UBAC2: variants seen among roughly 807,000 people sequenced by gnomAD.
UBAC2 encodes the protein ubiquitin-associated domain-containing protein 2.
In UBAC2, 26 loss-of-function variants were observed where a neutral mutation model predicts 44.0. The ratio of observed to expected loss-of-function variants is 0.59; its 90% confidence interval spans 0.43 to 0.82. The LOEUF is 0.82. Among genes scored for constraint, UBAC2 ranks in the 40% least tolerant of loss-of-function variants. The pLI is 0.00. For synonymous variants in UBAC2, 155 were observed against 154.3 expected, an observed-to-expected ratio of 1.00 and a Z score of -0.04; for missense variants, 329 against 419.4, an observed-to-expected ratio of 0.78 and a Z score of 1.88.
At chr13:99,369,196 A>G (rs911585563) in intron 8 of UBAC2, among the ~76,000 whole-genome samples, 1 of 152,238 alleles carries the variant, frequency 6.6e-6, no homozygotes, top group African/African-American at 2.4e-5. Context: ...ATAAAAATCC[A>G]TTCAGGGAAA....
intron 4 of UBAC2, among the ~76,000 whole-genome samples, chr13:99,266,895 C>T (rs529981020): frequency 1.5e-4 from 23 of 152,192 alleles, no homozygotes; most frequent in African/African-American, 3.9e-4. Flanking sequence ...GTGAAATTGC[C>T]GGATCGTGTG....
At chr13:99,276,637 C>T (rs1042603621) in intron 4 of UBAC2, among the ~76,000 whole-genome samples, 10 of 152,298 alleles carry the variant, frequency 6.6e-5, no homozygotes, top group East Asian at 3.9e-4. Context: ...CCATCTCCCA[C>T]CACCCCACTT....
chr13:99,350,343 G>C (rs151263530), intron 7 of UBAC2, among the ~76,000 whole-genome samples: 83 of 152,294 alleles, frequency 5.4e-4, no homozygotes, highest in African/African-American at 1.9e-3. Context: ...GATAGCCTCA[G>C]ATGGGGGCTG....
Position 99,296,816 on chromosome 13 carries a change from TAAAG to T in UBAC2, c.390-17277_390-17274del, listed in dbSNP as rs547462914. On this transcript the variant is annotated intron_variant, in intron 4 of 8. Transcript: ENST00000403766. Reference sequence around the variant, plus strand: ...TAAAATGACAAAAAAAGAAGAAAGATAAAGAAAATGAGAGAGAAAAAGACTTAAG... The same window carrying T: ...TAAAATGACAAAAAAAGAAGAAAGATAAAATGAGAGAGAAAAAGACTTAAG... Among the ~76,000 whole-genome samples, 37 of 152,108 alleles carry T rather than the reference TAAAG, an allele frequency of 2.4e-4. No homozygotes were observed. The East Asian group carries it at 6.0e-3, about 25-fold the overall frequency.
intron 6 of UBAC2, among the ~76,000 whole-genome samples, chr13:99,332,743 C>A (rs1289272956): frequency 6.6e-6 from 1 of 152,216 alleles, no homozygotes; most frequent in East Asian, 1.9e-4. Context: ...CCCTTGCCTG[C>A]CGGAGACTGC....
chr13:99,234,183 T>TC (rs1316313236), intron 1 of UBAC2, among the ~76,000 whole-genome samples: 1 of 125,914 alleles, frequency 7.9e-6, no homozygotes, highest in Admixed American at 8.1e-5. Flanking sequence ...TTTTTTTTTT[T>TC]TTTTTTTTTT....
intron 8 of UBAC2, among the ~76,000 whole-genome samples, chr13:99,375,682 G>A (rs1823631536): frequency 6.6e-6 from 1 of 152,134 alleles, no homozygotes; most frequent in Non-Finnish European, 1.5e-5. Flanking sequence ...ACTGAGGGGA[G>A]TTGCTAGAAA....
intron 6 of UBAC2, among the ~76,000 whole-genome samples, chr13:99,336,460 A>G (rs2044789757): frequency 6.6e-6 from 1 of 152,196 alleles, no homozygotes; most frequent in Non-Finnish European, 1.5e-5. Flanking sequence ...TTACAATTTC[A>G]TGAATTCTAT....
rs749630082 is a variant in UBAC2 at position 99,295,517 on chromosome 13, A to G, written c.390-18580A>G. ...CTGAGAATAGCAGATGAGAATGATT[A>G]TAAGTGGAAGTACATATCCTATGAA... On this transcript the variant is annotated intron_variant, in intron 4 of 8. Transcript: ENST00000403766. This position sits in a 1 kb window ranked among gnomAD's most constrained non-coding sequence, Gnocchi z 4.1. 4 of 1,613,996 alleles carry G rather than the reference A, an allele frequency of 2.5e-6. No homozygotes were observed. The highest frequency in any genetic ancestry group is 4.5e-5 in the East Asian group (2 of 44,872).
At chr13:99,334,928 A>G (rs2044765205) in intron 6 of UBAC2, among the ~76,000 whole-genome samples, 1 of 152,236 alleles carries the variant, frequency 6.6e-6, no homozygotes, top group South Asian at 2.1e-4. Flanking sequence ...AATTAAAAGG[A>G]TGAAGATATA....
chr13:99,381,584 C>G (rs1288234995), intron 8 of UBAC2, among the ~76,000 whole-genome samples: 1 of 152,206 alleles, frequency 6.6e-6, no homozygotes, highest in Non-Finnish European at 1.5e-5. Context: ...GGCAGGCCAG[C>G]TCCCGTTTGG....
intron 4 of UBAC2, among the ~76,000 whole-genome samples, chr13:99,268,627 A>AG (rs1318325221): frequency 2.7e-4 from 36 of 132,406 alleles, no homozygotes; most frequent in Non-Finnish European, 1.2e-4. Context: ...AAAAAAAAAA[A>AG]AAAAAAAGAA....
At chr13:99,274,485 T>C (rs1334265053) in intron 4 of UBAC2, among the ~76,000 whole-genome samples, 1 of 147,926 alleles carries the variant, frequency 6.8e-6, no homozygotes, top group Non-Finnish European at 1.5e-5. Flanking sequence ...CCACCAGGAC[T>C]GGCTAGTTTT....
Position 99,255,092 on chromosome 13 carries a change from C to T in UBAC2, c.389+10468C>T, listed in dbSNP as rs758638842. 4 of 1,613,988 alleles carry T rather than the reference C, an allele frequency of 2.5e-6. No individual in the cohort carries two copies. In the East Asian group the frequency reaches 6.7e-5, roughly 27 times the overall value. On this transcript the variant is annotated intron_variant, in intron 4 of 8. Transcript: ENST00000403766. The stretch of plus-strand genomic sequence containing the variant: ...GCTCCCCAGGGATTGTAACTGTTCT[C>T]CCCCGTTCCCAGCATCAGGAAAGCG...
chr13:99,356,705 A>G (rs2045189850), intron 7 of UBAC2, among the ~76,000 whole-genome samples: 1 of 152,204 alleles, frequency 6.6e-6, no homozygotes, highest in Admixed American at 6.5e-5. Context: ...TTATAGCACG[A>G]CACAAAGATC....
chr13:99,212,883 T>A (rs2042950078), intron 1 of UBAC2, among the ~76,000 whole-genome samples: 1 of 152,260 alleles, frequency 6.6e-6, no homozygotes, highest in Non-Finnish European at 1.5e-5. Flanking sequence ...AGCCAACTTT[T>A]ACCATTATCT....
At chr13:99,380,172 C>T (rs2045532552) in intron 8 of UBAC2, among the ~76,000 whole-genome samples, 1 of 152,198 alleles carries the variant, frequency 6.6e-6, no homozygotes, top group South Asian at 2.1e-4. Flanking sequence ...CATGTTGGTA[C>T]TCAAAAAGTT....
intron 4 of UBAC2, among the ~76,000 whole-genome samples, chr13:99,299,290 A>G (rs1343891719): frequency 2.0e-5 from 3 of 152,380 alleles, no homozygotes; most frequent in African/African-American, 4.8e-5. Flanking sequence ...ATTTTATGGC[A>G]TAGCCATACA....
chr13:99,204,408 CAATG>C (rs2042843276), intron 1 of UBAC2, among the ~76,000 whole-genome samples: 1 of 151,994 alleles, frequency 6.6e-6, no homozygotes, highest in Non-Finnish European at 1.5e-5. Flanking sequence ...AGGCAGGAAG[CAATG>C]AATTAGGGGT....
Sources: allele counts gnomAD v4.1 joint callset (sites outside exome capture counted in the v4.1 genomes callset), GRCh38; gene constraint gnomAD v4.1.1; non-coding constraint Gnocchi (gnomAD v3.1); transcripts MANE v1.5; gene names NCBI Gene and HGNC (gene_info 2026-07-23, HGNC 2026-07-21).